The following RNLS variants were observed in gnomAD, a reference collection of about 807,000 sequenced individuals.
The protein encoded by RNLS is renalase, FAD dependent amine oxidase, also known as renalase.
In RNLS, 39 loss-of-function variants were observed where a neutral mutation model predicts 39.8. That is an observed-to-expected ratio of 0.98 (90% CI 0.76 to 1.28). The LOEUF (loss-of-function observed/expected upper bound fraction) is 1.28. RNLS is among the 50% of genes most tolerant of loss of function. The probability of loss-of-function intolerance (pLI) is 0.00; values close to 1 mark genes in which losing one functional copy is unlikely to be tolerated. For missense variants in RNLS, 410 were observed against 413.3 expected (o/e 0.99, Z 0.07); for synonymous variants, 147 against 150.7 (o/e 0.98, Z 0.18).
the RNLS span, among the ~76,000 whole-genome samples, chr10:88,255,656 T>A: frequency 6.6e-6 from 1 of 152,350 alleles, no homozygotes; most frequent in South Asian, 2.1e-4. Flanking sequence ...ATAAATCATT[T>A]ATCAGGAACA....
the RNLS span, among the ~76,000 whole-genome samples, chr10:88,243,082 A>G: frequency 6.6e-6 from 1 of 152,226 alleles, no homozygotes; most frequent in Non-Finnish European, 1.5e-5. Flanking sequence ...AGTGATAATA[A>G]TATCTGACTC....
intron 4 of RNLS, among the ~76,000 whole-genome samples, chr10:88,387,486 A>C (rs548273913): frequency 6.8e-6 from 1 of 146,592 alleles, no homozygotes; most frequent in East Asian, 2.1e-4. Flanking sequence ...CAAGAAGAAA[A>C]GCGAGGAGAA....
chr10:88,535,004 C>T (rs1029079920), intron 4 of RNLS, among the ~76,000 whole-genome samples: 9 of 151,962 alleles, frequency 5.9e-5, no homozygotes, highest in African/African-American at 9.7e-5. Flanking sequence ...ATATGAGAGA[C>T]GGGTCCCTGA....
chr10:88,228,358 C>T, the RNLS span, among the ~76,000 whole-genome samples: 1 of 152,124 alleles, frequency 6.6e-6, no homozygotes, highest in Admixed American at 6.5e-5. Flanking sequence ...TTTGTTGTTT[C>T]TGCACAGGGC....
rs10676559 is a variant in RNLS at position 88,470,617 on chromosome 10, A to ATTTT, written c.526+102282_526+102285dup. On this transcript the variant is annotated intron_variant, in intron 4 of 6. Coordinates refer to ENST00000331772, the MANE Select transcript of RNLS (RefSeq NM_001031709.3). ...ACTATACAAATGTTTTGTAATTTTA[A>ATTTT]TTTTTTTTTTTTTTTTGAGACAGAG... 7.6e-4 allele frequency among the ~76,000 whole-genome samples: 107 copies of ATTTT among 141,690 alleles called. 2 individuals are homozygous for ATTTT. The highest frequency in any genetic ancestry group is 6.7e-3 in the South Asian group (30 of 4,492). 93.0% of individuals were successfully genotyped at this position (141,690 alleles called of 152,430 possible).
the RNLS span, among the ~76,000 whole-genome samples, chr10:88,233,187 A>G: frequency 3.3e-5 from 5 of 152,250 alleles, no homozygotes; most frequent in Non-Finnish European, 7.3e-5. Context: ...GCAATTAGCG[A>G]AAGCAGCTCT....
At chr10:88,321,909 G>A (rs1323383603) in intron 5 of RNLS, among the ~76,000 whole-genome samples, 1 of 152,122 alleles carries the variant, frequency 6.6e-6, no homozygotes, top group African/African-American at 2.4e-5. Flanking sequence ...TCAATGAAAC[G>A]ATTCCAAAAC....
chr10:88,314,711 A>G (rs1205577190), intron 5 of RNLS, 70 bp from the exon 6 acceptor site: 4 of 1,376,878 alleles, frequency 2.9e-6, no homozygotes, highest in African/African-American at 1.4e-5. Flanking sequence ...CAGGATTTCA[A>G]TTCAGACTTA....
intron 4 of RNLS, among the ~76,000 whole-genome samples, chr10:88,441,016 A>G (rs1451704183): frequency 6.6e-6 from 1 of 152,262 alleles, no homozygotes. Context: ...CTTTTATGGA[A>G]TTATGAGTCG....
chr10:88,274,270 G>C (rs1252426011), exon 7 of RNLS: 1 of 152,132 alleles, frequency 6.6e-6, no homozygotes, highest in East Asian at 1.9e-4. Context: ...ACACTGTTGA[G>C]CACCCATAAC....
At chr10:88,251,390 A>T in the RNLS span, among the ~76,000 whole-genome samples, 2 of 152,242 alleles carry the variant, frequency 1.3e-5, no homozygotes, top group African/African-American at 4.8e-5. Flanking sequence ...ATTTACCTAA[A>T]TGACTTATTT....
the RNLS span, among the ~76,000 whole-genome samples, chr10:88,214,311 C>G: frequency 6.6e-6 from 1 of 152,150 alleles, no homozygotes. Context: ...TACAGCAAAA[C>G]AGAGCTAAGC....
chr10:88,578,813 G>A (rs1453077330), intron 3 of RNLS, among the ~76,000 whole-genome samples: 1 of 152,082 alleles, frequency 6.6e-6, no homozygotes, highest in Non-Finnish European at 1.5e-5. Flanking sequence ...GGAGATAGAT[G>A]CAATGTATTC....
chr10:88,396,897 T>C (rs1825950697), intron 4 of RNLS, among the ~76,000 whole-genome samples: 1 of 151,860 alleles, frequency 6.6e-6, no homozygotes, highest in African/African-American at 2.4e-5. Flanking sequence ...GATTATTTTA[T>C]AATAATAAAA....
At chr10:88,283,379 C>T (rs568882356), downstream of RNLS, among the ~76,000 whole-genome samples, 15 of 152,136 alleles carry the variant, frequency 9.9e-5, no homozygotes, top group East Asian at 1.7e-3. Flanking sequence ...TAGAGGAGTA[C>T]GGTCTCCAAG....
intron 4 of RNLS, among the ~76,000 whole-genome samples, chr10:88,569,727 C>T (rs562884813): frequency 6.6e-6 from 1 of 152,176 alleles, no homozygotes; most frequent in East Asian, 1.9e-4. Flanking sequence ...AAAAGACTCC[C>T]TATTTAATAA....
At chr10:88,316,887 C>T (rs1489527489) in intron 5 of RNLS, among the ~76,000 whole-genome samples, 1 of 152,086 alleles carries the variant, frequency 6.6e-6, no homozygotes, top group Non-Finnish European at 1.5e-5. Context: ...GCTCCCCCAA[C>T]CCTAAATCAG....
the RNLS span, among the ~76,000 whole-genome samples, chr10:88,213,936 A>T: frequency 2.6e-5 from 4 of 152,198 alleles, no homozygotes; most frequent in African/African-American, 9.6e-5. Flanking sequence ...CCTAACCTAA[A>T]CTGGCTTAAA....
In RNLS at chr10:88,285,322, C is replaced by T. The variant is rs748468060; in HGVS notation, c.*32G>A. On this transcript the variant is annotated 3_prime_UTR_variant, in exon 7 of 7. Coordinates refer to ENST00000331772, the MANE Select transcript of RNLS (RefSeq NM_001031709.3). The stretch of plus-strand genomic sequence containing the variant: ...ACAGAAAATTGTGAAAATAAAAACC[C>T]AATACACATGTAGAGAATAAGGATA... The T allele has an allele frequency of 1.5e-5, 23 of 1,491,522 alleles. No individual in the cohort carries two copies. The African/African-American group carries it at 2.8e-4, about 18-fold the overall frequency. 92.4% of individuals were successfully genotyped at this position (1,491,522 alleles called of 1,614,324 possible).
Sources: allele counts gnomAD v4.1 joint callset (sites outside exome capture counted in the v4.1 genomes callset), GRCh38; gene constraint gnomAD v4.1.1; transcripts MANE v1.5; gene names NCBI Gene and HGNC (gene_info 2026-07-23, HGNC 2026-07-21).